The following POM121 variants were observed in gnomAD, a reference collection of about 807,000 sequenced individuals.
POM121 encodes nuclear envelope pore membrane protein POM 121.
POM121 carries 32 observed loss-of-function variants against 81.3 expected under a neutral mutation model. That is an observed-to-expected ratio of 0.39 (90% CI 0.30 to 0.53). POM121 has a LOEUF of 0.53. Ranked by LOEUF, POM121 falls within the 20% of genes least tolerant of loss-of-function variation. The probability of loss-of-function intolerance (pLI) is 0.66; values close to 1 mark genes in which losing one functional copy is unlikely to be tolerated. For synonymous variants in POM121, 514 were observed against 694.2 expected (o/e 0.74, Z 4.08); for missense variants, 1,138 against 1,614.6 (o/e 0.70, Z 5.06).
downstream of POM121, chr7:72,949,033 G>C: frequency 6.2e-7 from 1 of 1,613,332 alleles, no homozygotes; most frequent in Non-Finnish European, 8.5e-7. Flanking sequence ...CTGGAACCCT[G>C]CCAGGGCATG....
chr7:72,950,242 T>C (rs1554504559), downstream of POM121: 4 of 1,587,188 alleles, frequency 2.5e-6, no homozygotes, highest in East Asian at 9.0e-5. Context: ...AATTTCTCCC[T>C]GCCAGGCCCT....
exon 2 of POM121, chr7:72,890,726 G>A: frequency 6.2e-7 from 1 of 1,602,038 alleles, no homozygotes; most frequent in Admixed American, 1.7e-5. Context: ...TGTGATGTTG[G>A]AGAACTACAG....
intron 3 of POM121, among the ~76,000 whole-genome samples, chr7:72,895,324 C>T (rs1369324347): frequency 2.0e-5 from 3 of 152,218 alleles, no homozygotes; most frequent in Non-Finnish European, 1.5e-5. Context: ...GTATTTGCTT[C>T]CTCTCCCAGC....
intron 5 of POM121, among the ~76,000 whole-genome samples, chr7:72,935,025 C>G (rs1320181568): frequency 2.0e-5 from 3 of 149,078 alleles, no homozygotes; most frequent in African/African-American, 7.5e-5. Context: ...ATTTTTAGAT[C>G]AACTTGTCAA....
intron 3 of POM121, among the ~76,000 whole-genome samples, chr7:72,907,219 T>C (rs1441889620): frequency 6.6e-6 from 1 of 152,224 alleles, no homozygotes; most frequent in Admixed American, 6.5e-5. Flanking sequence ...TACTTATGAT[T>C]GTTGGCTAGT....
At chr7:72,881,453 G>A (rs1343630728) in intron 1 of POM121, among the ~76,000 whole-genome samples, 5 of 150,192 alleles carry the variant, frequency 3.3e-5, no homozygotes, top group Non-Finnish European at 7.4e-5. Context: ...TTTGCAGGCC[G>A]GAGCCCTCAT....
intron 3 of POM121, among the ~76,000 whole-genome samples, chr7:72,910,757 C>T (rs1351149319): frequency 6.6e-5 from 10 of 151,914 alleles, no homozygotes; most frequent in African/African-American, 1.7e-4. Flanking sequence ...CCGCCCTCTT[C>T]GCTGTCATTT....
rs558371277 is a variant in POM121 at position 72,899,865 on chromosome 7, C to T, written c.-216+8755C>T. Among the ~76,000 whole-genome samples, 5 of 152,230 alleles carry T rather than the reference C, an allele frequency of 3.3e-5. No homozygotes were observed. The South Asian group carries it at 1.0e-3, about 32-fold the overall frequency. On this transcript the variant is annotated intron_variant, in intron 3 of 15. Coordinates refer to the POM121 transcript ENST00000395270. ...AAGTGCTGGGATTACAGGCGTGAGCCACCACGCCTGGTGCTTTATATTAAA... is the reference window on the plus strand; with the variant it reads ...AAGTGCTGGGATTACAGGCGTGAGCTACCACGCCTGGTGCTTTATATTAAA...
chr7:72,899,320 C>T (rs1792330112), intron 3 of POM121, among the ~76,000 whole-genome samples: 5 of 152,076 alleles, frequency 3.3e-5, no homozygotes, highest in Admixed American at 3.3e-4. Flanking sequence ...AGCACATTTC[C>T]TCACACATAG....
chr7:72,908,177 A>G (rs1359409308), intron 3 of POM121, among the ~76,000 whole-genome samples: 2 of 152,198 alleles, frequency 1.3e-5, no homozygotes, highest in South Asian at 2.1e-4. Context: ...CGCCCCTGAT[A>G]ATTCAACGTG....
intron 4 of POM121, among the ~76,000 whole-genome samples, chr7:72,917,381 G>A (rs1794384029): frequency 6.6e-6 from 1 of 152,200 alleles, no homozygotes. Context: ...TGAAAGCTTA[G>A]GTCTTTCTGA....
At chr7:72,910,983 GTATT>G (rs1268127134) in intron 3 of POM121, among the ~76,000 whole-genome samples, 2 of 152,140 alleles carry the variant, frequency 1.3e-5, no homozygotes, top group Non-Finnish European at 2.9e-5. Flanking sequence ...GTTGCTTCAT[GTATT>G]TATTTATTTG....
upstream of POM121, among the ~76,000 whole-genome samples, chr7:72,924,235 C>T (rs1435318857): frequency 2.6e-5 from 4 of 152,142 alleles, no homozygotes; most frequent in Non-Finnish European, 2.9e-5. Context: ...CGTGAGCCAC[C>T]GCGCCCGGCC....
chr7:72,881,099 C>T (rs4424132), intron 1 of POM121, among the ~76,000 whole-genome samples: 64 of 120,906 alleles, frequency 5.3e-4, no homozygotes, highest in Non-Finnish European at 8.6e-4. Context: ...GAGACAGTGT[C>T]TCTCACCCAG....
At chr7:72,896,323 A>G (rs1370254153) in intron 3 of POM121, among the ~76,000 whole-genome samples, 4 of 151,836 alleles carry the variant, frequency 2.6e-5, no homozygotes, top group African/African-American at 9.7e-5. Context: ...CATTTCTACA[A>G]AAAAATTTAA....
Position 72,925,676 on chromosome 7 carries a change from C to T in POM121, c.555C>T (p.Pro185=), listed in dbSNP as rs568937963. The T allele has an allele frequency of 2.0e-5, 23 of 1,167,014 alleles. No individual in the cohort carries two copies. The highest frequency in any genetic ancestry group is 3.1e-5 in the South Asian group (1 of 31,978). 72.3% of individuals were successfully genotyped at this position (1,167,014 alleles called of 1,614,324 possible). A position where few individuals can be genotyped will look rare whatever the true frequency, so the allele number is the denominator to read the frequency against. Residue 185 remains proline (P), a synonymous_variant, in exon 1 of 13, where the codon CCC becomes CCT. Transcript: ENST00000434423. ...CGCGCTCCCCACCGCCGCGCTCCCCCCCGCCCTCCCCGCCGACCCATCGCG... is the reference window on the plus strand; with the variant it reads ...CGCGCTCCCCACCGCCGCGCTCCCCTCCGCCCTCCCCGCCGACCCATCGCG... The part of the protein sequence containing the change: ...PPPRSPPPRS[P]PPSPPTHRAH...
At chr7:72,879,980 G>GT in intron 1 of POM121, 1 of 393,374 alleles carries the variant, frequency 2.5e-6, no homozygotes, top group Non-Finnish European at 5.0e-6. Flanking sequence ...GGAGCGTCCC[G>GT]ATTGCTTGCC....
chr7:72,917,649 G>A (rs189614334), intron 4 of POM121, among the ~76,000 whole-genome samples: 1 of 152,224 alleles, frequency 6.6e-6, no homozygotes, highest in African/African-American at 2.4e-5. Context: ...CAGTTCTAGA[G>A]GCCAGAAGTC....
chr7:72,950,116 T>G, downstream of POM121: 1 of 1,600,204 alleles, frequency 6.2e-7, no homozygotes, highest in Non-Finnish European at 8.6e-7. Flanking sequence ...CAGATCTGTC[T>G]GGGCGGGAAA....
Sources: allele counts gnomAD v4.1 joint callset (sites outside exome capture counted in the v4.1 genomes callset), GRCh38; gene constraint gnomAD v4.1.1; transcripts MANE v1.5; gene names NCBI Gene and HGNC (gene_info 2026-07-23, HGNC 2026-07-21).